Variants in NR3C2 observed in about 807,000 individuals in gnomAD.
NR3C2 encodes nuclear receptor subfamily 3 group C member 2, also known as mineralocorticoid receptor.
Under a neutral mutation model 86.4 loss-of-function variants are expected in NR3C2, and 15 were observed. The ratio of observed to expected loss-of-function variants is 0.17; its 90% CI spans 0.12 to 0.27. The LOEUF is 0.27. NR3C2 is among the 10% of genes least tolerant of loss of function. NR3C2 has a pLI of 1.00. For synonymous variants in NR3C2, 458 were observed against 450.5 expected (o/e 1.02, Z -0.21); for missense variants, 960 against 1,195.6 (o/e 0.80, Z 2.91).
At chr4:148,227,893 A>G (rs773827240) in intron 3 of NR3C2, among the ~76,000 whole-genome samples, 3 of 151,928 alleles carry the variant, frequency 2.0e-5, no homozygotes, top group Non-Finnish European at 4.4e-5. Flanking sequence ...GATCATTTGT[A>G]TTTTCTCTGC....
intron 4 of NR3C2, among the ~76,000 whole-genome samples, chr4:148,192,754 A>C (rs1486796207): frequency 2.0e-5 from 3 of 151,768 alleles, no homozygotes; most frequent in African/African-American, 7.3e-5. Context: ...GTTTTCAAGG[A>C]AGTGGGGGAA....
At chr4:148,300,552 A>G (rs1351933448) in intron 2 of NR3C2, among the ~76,000 whole-genome samples, 3 of 149,458 alleles carry the variant, frequency 2.0e-5, no homozygotes, top group African/African-American at 7.4e-5. Context: ...TTTCTCAGTC[A>G]ACTGAATTAT....
intron 3 of NR3C2, among the ~76,000 whole-genome samples, chr4:148,252,984 A>G (rs1210656323): frequency 1.3e-5 from 2 of 152,198 alleles, no homozygotes; most frequent in African/African-American, 2.4e-5. Flanking sequence ...TGCCATGTGA[A>G]GTTGTACCTT....
intron 2 of NR3C2, among the ~76,000 whole-genome samples, chr4:148,399,626 TAC>T (rs140023933): frequency 0.23 from 34,306 of 151,812 alleles, 3,993 homozygotes; most frequent in African/African-American, 0.24. Flanking sequence ...AAAAAATTTA[TAC>T]ACCTTACATA....
upstream of NR3C2, among the ~76,000 whole-genome samples, chr4:148,445,243 C>G (rs1335370673): frequency 2.0e-5 from 3 of 151,898 alleles, no homozygotes; most frequent in African/African-American, 4.8e-5. Context: ...CGGGGGGAGG[C>G]GAGGGCTGGG....
chr4:148,099,912 G>A (rs1370903767), intron 8 of NR3C2, among the ~76,000 whole-genome samples: 1 of 152,122 alleles, frequency 6.6e-6, no homozygotes, highest in Non-Finnish European at 1.5e-5. Flanking sequence ...TTTCCAGAAA[G>A]ATCACCCTGT....
chr4:148,094,404 C>G (rs1430578194), intron 8 of NR3C2, among the ~76,000 whole-genome samples: 1 of 152,140 alleles, frequency 6.6e-6, no homozygotes, highest in Non-Finnish European at 1.5e-5. Context: ...AGCAAGTGCT[C>G]AAATAGATAT....
chr4:148,255,816 G>C (rs1281964512), intron 3 of NR3C2, among the ~76,000 whole-genome samples: 1 of 152,136 alleles, frequency 6.6e-6, no homozygotes, highest in African/African-American at 2.4e-5. Context: ...AAGAAACTAA[G>C]AAAGTCAAAA....
Position 148,080,759 on chromosome 4 carries a change from GAGTGTGTATACC to G in NR3C2, c.*573_*584del. ...AATTAAATAAGAAATGGACGCTAAC[GAGTGTGTATACC>G]AGTGATGCAGAAGACCGTGGACGAG... On this transcript the variant is annotated 3_prime_UTR_variant, in exon 9 of 9. Transcript: ENST00000358102. 2.8e-6 allele frequency: 1 copy of G among 361,866 alleles called. No homozygotes were observed. Among genetic ancestry groups the G allele is most frequent in the South Asian group, 2.1e-5 (1 of 48,048 alleles). 22.4% of individuals were successfully genotyped at this position (361,866 alleles called of 1,614,324 possible). A position where few individuals can be genotyped will look rare whatever the true frequency, so the allele number is the denominator to read the frequency against.
At chr4:148,229,196 T>C (rs1738336593) in intron 3 of NR3C2, among the ~76,000 whole-genome samples, 1 of 152,140 alleles carries the variant, frequency 6.6e-6, no homozygotes. Flanking sequence ...GGGGCCCACA[T>C]GCAAGCTTGG....
intron 2 of NR3C2, among the ~76,000 whole-genome samples, chr4:148,419,667 T>C (rs1022652241): frequency 2.0e-5 from 3 of 152,212 alleles, no homozygotes; most frequent in Non-Finnish European, 4.4e-5. Context: ...ATCTGCAGTG[T>C]ACTGTTTTGG....
intron 2 of NR3C2, among the ~76,000 whole-genome samples, chr4:148,277,613 A>T (rs573395002): frequency 7.9e-5 from 12 of 152,208 alleles, no homozygotes; most frequent in Non-Finnish European, 1.6e-4. Context: ...TATTAAAACA[A>T]ATTTTTAAAA....
At chr4:148,156,733 GGAAGTCA>G (rs1734409371) in intron 4 of NR3C2, among the ~76,000 whole-genome samples, 1 of 152,288 alleles carries the variant, frequency 6.6e-6, no homozygotes, top group Admixed American at 6.5e-5. Flanking sequence ...CAACCATTGT[GGAAGTCA>G]GTGTGGCGTT....
chr4:148,264,872 T>C (rs1740297388), intron 2 of NR3C2, among the ~76,000 whole-genome samples: 1 of 152,218 alleles, frequency 6.6e-6, no homozygotes, highest in Non-Finnish European at 1.5e-5. Flanking sequence ...CAGCTAATTA[T>C]ATAACACTTA....
intron 6 of NR3C2, among the ~76,000 whole-genome samples, chr4:148,139,816 A>T (rs1733526909): frequency 6.6e-6 from 1 of 152,146 alleles, no homozygotes; most frequent in Non-Finnish European, 1.5e-5. Context: ...AGGGAAAATT[A>T]AACAACCTTT....
chr4:148,403,357 A>G (rs1748261608), intron 2 of NR3C2, among the ~76,000 whole-genome samples: 1 of 152,048 alleles, frequency 6.6e-6, no homozygotes, highest in African/African-American at 2.4e-5. Flanking sequence ...TTGCTGGGTA[A>G]TATCTTTATT....
At chr4:148,256,417 G>A (rs1246080849) in intron 3 of NR3C2, among the ~76,000 whole-genome samples, 1 of 152,150 alleles carries the variant, frequency 6.6e-6, no homozygotes, top group South Asian at 2.1e-4. Context: ...GTTCATAGAG[G>A]ATAGTAATAA....
intron 4 of NR3C2, among the ~76,000 whole-genome samples, chr4:148,178,448 C>T (rs1213760618): frequency 7.3e-5 from 11 of 151,604 alleles, no homozygotes; most frequent in Admixed American, 2.6e-4. Context: ...ACATAAAATA[C>T]GTAAATAAAA....
chr4:148,297,845 C>T (rs562152926), intron 2 of NR3C2, among the ~76,000 whole-genome samples: 11 of 151,222 alleles, frequency 7.3e-5, no homozygotes, highest in South Asian at 4.2e-4. Flanking sequence ...GCTGAGATTG[C>T]GCCATTGCAC....
Sources: allele counts gnomAD v4.1 joint callset (sites outside exome capture counted in the v4.1 genomes callset), GRCh38; gene constraint gnomAD v4.1.1; transcripts MANE v1.5; gene names NCBI Gene and HGNC (gene_info 2026-07-23, HGNC 2026-07-21).